Variants in SNAP47 observed in about 807,000 individuals in gnomAD.
SNAP47 encodes synaptosomal-associated protein 47.
Under a neutral mutation model 31.4 loss-of-function variants are expected in SNAP47, and 20 were observed. The ratio of observed to expected loss-of-function variants is 0.64; its 90% CI spans 0.45 to 0.93. The LOEUF (loss-of-function observed/expected upper bound fraction) is 0.93, where lower values mean the gene tolerates loss of function less well. SNAP47 is among the 40% of genes least tolerant of loss of function. The pLI is 0.00. For missense variants in SNAP47, 492 were observed against 528.5 expected (o/e 0.93, Z 0.68); for synonymous variants, 194 against 213.4 (o/e 0.91, Z 0.79).
At chr1:227,734,782 G>A (rs758181783), upstream of SNAP47, 8 of 1,613,904 alleles carry the variant, frequency 5.0e-6, no homozygotes, top group Middle Eastern at 1.7e-4. Context: ...TGTATTCCTG[G>A]ACCCCACAGT....
chr1:227,776,164 CCA>C, intron 4 of SNAP47: 1 of 1,151,220 alleles, frequency 8.7e-7, no homozygotes, highest in Non-Finnish European at 1.1e-6. Context: ...CCGCTCAGGA[CCA>C]CAGAGTCTGG....
intron 4 of SNAP47, chr1:227,775,987 G>A (rs975319872): frequency 8.0e-7 from 1 of 1,253,198 alleles, no homozygotes; most frequent in African/African-American, 1.6e-5. Context: ...GGATGTGTTG[G>A]AGGAAAGTGG....
At chr1:227,733,242 G>A (rs1189701694), upstream of SNAP47, 6 of 868,762 alleles carry the variant, frequency 6.9e-6, no homozygotes, top group East Asian at 8.0e-5. Flanking sequence ...CCCAGGGACC[G>A]GCAGTGGGTG....
At chr1:227,733,453 C>T (rs1369787968), upstream of SNAP47, 1 of 1,587,632 alleles carries the variant, frequency 6.3e-7, no homozygotes. Flanking sequence ...TGGGCACAAA[C>T]ACCATCTCGC....
At position 227,747,717 on chromosome 1, in the gene SNAP47, G is replaced by A. The variant is rs778364082; in HGVS notation, c.-20G>A. 1.7e-5 allele frequency: 28 copies of A among 1,606,910 alleles called. 1 individual carries two copies. Among genetic ancestry groups the A allele is most frequent in the African/African-American group, 1.1e-4 (8 of 74,750 alleles). ...AGGCAGAAGAGGCCTGGACCTTGGC[G>A]CACACAGACCCAGGAACAGATGAGC... is the stretch of plus-strand genomic sequence containing the variant. On this transcript the variant is annotated 5_prime_UTR_variant, in exon 2 of 5. Transcript: ENST00000617596.
intron 1 of SNAP47, chr1:227,743,721 C>A (rs900556419): frequency 1.3e-5 from 2 of 152,264 alleles, no homozygotes; most frequent in African/African-American, 4.8e-5. Flanking sequence ...TGTCCTTTGT[C>A]TCCTTAGATA....
At position 227,747,700 on chromosome 1, in the gene SNAP47, G is replaced by A. The variant is rs756989237; in HGVS notation, c.-37G>A. On this transcript the variant is annotated 5_prime_UTR_variant, in exon 2 of 5. Transcript: ENST00000617596. ...TGTCTCTTCTCCTTCAGAGGCAGAA[G>A]AGGCCTGGACCTTGGCGCACACAGA... The A allele has an allele frequency of 6.3e-7, 1 of 1,591,648 alleles. No individual in the cohort carries two copies. The highest frequency in any genetic ancestry group is 8.6e-7 in the Non-Finnish European group (1 of 1,164,548).
At chr1:227,749,809 C>G (rs1316349395) in intron 2 of SNAP47, among the ~76,000 whole-genome samples, 6 of 124,552 alleles carry the variant, frequency 4.8e-5, no homozygotes, top group African/African-American at 1.8e-4. Context: ...CTGTTTGTGT[C>G]TGTGTGTATT....
chr1:227,729,240 G>T (rs1018204212), intron 1 of SNAP47, among the ~76,000 whole-genome samples: 1 of 152,190 alleles, frequency 6.6e-6, no homozygotes, highest in African/African-American at 2.4e-5. Flanking sequence ...CCCCAGGCAG[G>T]AGTGAGAGGC....
chr1:227,740,623 TACA>T (rs1398581823), intron 1 of SNAP47, among the ~76,000 whole-genome samples: 1 of 152,206 alleles, frequency 6.6e-6, no homozygotes, highest in Non-Finnish European at 1.5e-5. Context: ...TCCCTGTGAC[TACA>T]ACACCTTCCC....
chr1:227,751,744 G>GTTTTTTTTTTTTTTTTTT (rs540732076), intron 2 of SNAP47, among the ~76,000 whole-genome samples: 1 of 69,138 alleles, frequency 1.4e-5, no homozygotes, highest in African/African-American at 5.6e-5. Context: ...TAAAGACTTG[G>GTTTTTTTTTTTTTTTTTT]TTTTTTTTTT....
rs776969353 is a variant in SNAP47 at position 227,747,731 on chromosome 1, G to A, written c.-6G>A. 5 of 1,612,796 alleles carry A rather than the reference G, an allele frequency of 3.1e-6. No homozygotes were observed. Among genetic ancestry groups the A allele is most frequent in the Non-Finnish European group, 4.2e-6 (5 of 1,179,018 alleles). On this transcript the variant is annotated 5_prime_UTR_variant, in exon 2 of 5. Coordinates refer to ENST00000617596, the MANE Select transcript of SNAP47 (RefSeq NM_053052.4). The stretch of plus-strand genomic sequence containing the variant: ...TGGACCTTGGCGCACACAGACCCAG[G>A]AACAGATGAGCAGGGATGTCTGCAT...
chr1:227,759,542 C>T, intron 3 of SNAP47, 57 bp downstream of exon 3: 1 of 1,571,100 alleles, frequency 6.4e-7, no homozygotes, highest in Non-Finnish European at 8.6e-7. Flanking sequence ...TACAGGCAGA[C>T]TCAGCACGCC....
chr1:227,737,206 G>A (rs1179162421), intron 1 of SNAP47, among the ~76,000 whole-genome samples: 2 of 152,250 alleles, frequency 1.3e-5, no homozygotes, highest in Non-Finnish European at 2.9e-5. Flanking sequence ...CTACCCACAT[G>A]GATGCAGAAG....
chr1:227,742,416 A>G (rs1661668743), intron 1 of SNAP47, among the ~76,000 whole-genome samples: 1 of 152,108 alleles, frequency 6.6e-6, no homozygotes, highest in Non-Finnish European at 1.5e-5. Flanking sequence ...TTGAATTTGA[A>G]AGATTTTAGA....
At chr1:227,749,305 C>T (rs1007997879) in intron 2 of SNAP47, among the ~76,000 whole-genome samples, 2 of 152,074 alleles carry the variant, frequency 1.3e-5, no homozygotes, top group African/African-American at 2.4e-5. Context: ...CTGTCTGGAG[C>T]GTGAGTCTTG....
At chr1:227,733,614 A>G, upstream of SNAP47, 1 of 1,605,008 alleles carries the variant, frequency 6.2e-7, no homozygotes, top group Non-Finnish European at 8.5e-7. Context: ...AAGAGGAGCC[A>G]CTTCTTCCTC....
At position 227,759,221 on chromosome 1, in the gene SNAP47, T is replaced by G. The variant is rs745345447; in HGVS notation, c.724T>G (p.Ser242Ala). ...TGTGTCTGGGTTGGAAATACATGAC[T>G]CCAGTTCTTTGCTCATGCACAGGTT... is the stretch of plus-strand genomic sequence containing the variant. ...VLVSGLEIHD[S>A]SSLLMHRFER... The change falls in exon 3 of 5, where the codon TCC becomes GCC. Residue 242 changes from serine (S) to alanine (A), a missense_variant. Transcript: ENST00000617596. 6.2e-7 allele frequency: 1 copy of G among 1,614,188 alleles called. No individual in the cohort carries two copies. The highest frequency in any genetic ancestry group is 8.5e-7 in the Non-Finnish European group (1 of 1,180,048).
intron 4 of SNAP47, among the ~76,000 whole-genome samples, chr1:227,771,690 C>T (rs1258762008): frequency 8.4e-5 from 9 of 106,698 alleles, no homozygotes; most frequent in South Asian, 7.1e-4. Flanking sequence ...TCTGCTTTTG[C>T]GGGTGAGCCA....
Sources: allele counts gnomAD v4.1 joint callset (sites outside exome capture counted in the v4.1 genomes callset), GRCh38; gene constraint gnomAD v4.1.1; transcripts MANE v1.5; gene names NCBI Gene and HGNC (gene_info 2026-07-23, HGNC 2026-07-21).